Variants in OR2AK2 observed in about 807,000 individuals in gnomAD.
OR2AK2 encodes the protein olfactory receptor 2AK2.
For missense variants in OR2AK2, 392 were observed against 384.1 expected (o/e 1.02, Z -0.17); for synonymous variants, 139 against 147.2 (o/e 0.94, Z 0.40).
At chr1:247,965,832 T>G (rs746161185) in exon 1 of OR2AK2, 2 of 1,613,186 alleles carry the variant, frequency 1.2e-6, no homozygotes, top group East Asian at 4.5e-5. Context: ...GGGCCAGTGG[T>G]TCTATCAATG....
In OR2AK2 at chr1:247,966,059, T is replaced by C. The variant is rs776524052; in HGVS notation, c.683T>C (p.Met228Thr). 7.4e-6 allele frequency: 12 copies of C among 1,614,066 alleles called. No homozygotes were observed. The South Asian group carries it at 1.1e-4, about 15-fold the overall frequency. The change falls in exon 1 of 1, where the codon ATG becomes ACG. Residue 228 changes from methionine (M) to threonine (T), a missense_variant. Coordinates refer to ENST00000366480, the Ensembl canonical transcript of OR2AK2. The stretch of plus-strand genomic sequence containing the variant: ...CGTGTGCTTATTGTGGTATTCCAGA[T>C]GAGCTCAGGAAAAGGACAGGCAAAA...
At chr1:247,966,010 C>G in exon 1 of OR2AK2, 2 of 1,613,370 alleles carry the variant, frequency 1.2e-6, no homozygotes, top group Non-Finnish European at 1.7e-6. Flanking sequence ...ACTACCATTC[C>G]TAGCCATTCT....
chr1:247,965,722 G>C, exon 1 of OR2AK2: 1 of 1,555,882 alleles, frequency 6.4e-7, no homozygotes, highest in African/African-American at 1.4e-5. Flanking sequence ...CCTTCTCCTT[G>C]GTTTTATGTC....
exon 1 of OR2AK2, chr1:247,965,905 T>C (rs1168881385): frequency 1.2e-6 from 2 of 1,612,060 alleles, no homozygotes; most frequent in African/African-American, 1.3e-5. Context: ...CATTAACCAC[T>C]TTTTCTGTGA....
At position 247,965,859 on chromosome 1, in the gene OR2AK2, G is replaced by T. The variant is rs138864067; in HGVS notation, c.483G>T (p.Leu161Phe). Residue 161 changes from leucine to phenylalanine, a missense_variant, in exon 1 of 1, where the codon TTG (leucine) becomes TTT (phenylalanine). Leu to Phe is a conservative substitution (Grantham distance 22). Coordinates refer to ENST00000366480, the Ensembl canonical transcript of OR2AK2. ...CTATCAATGCTTTCATACATACATT[G>T]TATGTGTTTCAGCTTCCATTCTGTA... 3.1e-6 allele frequency: 5 copies of T among 1,613,664 alleles called. No homozygotes were observed. In the African/African-American group the frequency reaches 4.0e-5, roughly 13 times the overall value.
exon 1 of OR2AK2, chr1:247,966,273 G>T (rs770380554): frequency 1.4e-5 from 23 of 1,613,564 alleles, no homozygotes; most frequent in Non-Finnish European, 1.9e-5. Flanking sequence ...AAGTGACGGG[G>T]GCAGTGAGGA....
At chr1:247,965,653 A>G in exon 1 of OR2AK2, 1 of 1,546,466 alleles carries the variant, frequency 6.5e-7, no homozygotes, top group Non-Finnish European at 8.7e-7. Flanking sequence ...TAAGACCATT[A>G]GATTTTTGGG....
chr1:247,965,413 C>T, exon 1 of OR2AK2: 1 of 1,612,462 alleles, frequency 6.2e-7, no homozygotes, highest in African/African-American at 1.3e-5. Context: ...GACAGATTTT[C>T]TACTTGTTGG....
exon 1 of OR2AK2, chr1:247,966,241 A>T (rs1660972426): frequency 6.2e-7 from 1 of 1,613,224 alleles, no homozygotes; most frequent in Non-Finnish European, 8.5e-7. Flanking sequence ...GAACCCATTT[A>T]TCTACAGCCT....
At position 247,965,263 on chromosome 1, in the gene OR2AK2, T is replaced by C; in HGVS notation, c.-114T>C. 3 of 1,284,768 alleles carry C rather than the reference T, an allele frequency of 2.3e-6. No homozygotes were observed. Among genetic ancestry groups the C allele is most frequent in the African/African-American group, 3.0e-5 (2 of 66,160 alleles). The allele number at this position is 1,284,768 out of a possible 1,614,324, so 79.6% of individuals were successfully genotyped here. A position where few individuals can be genotyped will look rare whatever the true frequency, so the allele number is the denominator to read the frequency against. On this transcript the variant is annotated 5_prime_UTR_variant, in exon 1 of 1. The change abolishes an upstream ATG in the 5' untranslated region. Transcript: ENST00000366480. ...TAAACATGTAGATAGTTGCCAAACA[T>C]GTAAGTGAATATTTATTTCTGAATG...
exon 1 of OR2AK2, chr1:247,965,960 A>G (rs1660961154): frequency 6.2e-7 from 1 of 1,608,764 alleles, no homozygotes; most frequent in African/African-American, 1.3e-5. Flanking sequence ...ACCTCCCAGT[A>G]TGAGTATACA....
At chr1:247,965,444 T>C in exon 1 of OR2AK2, 1 of 1,613,804 alleles carries the variant, frequency 6.2e-7, no homozygotes, top group South Asian at 1.1e-5. Flanking sequence ...TATGGCTGGA[T>C]AAACTCTCTT....
chr1:247,966,308 G>A (rs142381811), exon 1 of OR2AK2: 4 of 1,613,144 alleles, frequency 2.5e-6, no homozygotes, highest in East Asian at 2.2e-5. Context: ...TGGATATGCT[G>A]TAGAAAATAT....
exon 1 of OR2AK2, chr1:247,965,928 A>G (rs759446278): frequency 6.2e-7 from 1 of 1,611,230 alleles, no homozygotes; most frequent in East Asian, 2.2e-5. Flanking sequence ...TTCCAGCTCT[A>G]CTATCATTGG....
At chr1:247,965,940 G>A in exon 1 of OR2AK2, 2 of 1,609,290 alleles carry the variant, frequency 1.2e-6, no homozygotes, top group South Asian at 2.2e-5. Context: ...TATCATTGGT[G>A]TGTCAGGACA....
At chr1:247,965,836 A>G (rs530986766) in exon 1 of OR2AK2, 4 of 1,613,386 alleles carry the variant, frequency 2.5e-6, no homozygotes, top group East Asian at 2.2e-5. Flanking sequence ...CAGTGGTTCT[A>G]TCAATGCTTT....
rs780354251 is a variant in OR2AK2, at chr1:247,966,331, CTG to C, written c.957_958del (p.Tyr320LeufsTer5). On this transcript the variant is annotated frameshift_variant, in exon 1 of 1. Coordinates refer to ENST00000366480, the Ensembl canonical transcript of OR2AK2. LOFTEE classifies it high-confidence loss of function. ...CTGTAGAAAATATGACTTCAGATCT[CTG>C]TATTGATTGAGCATTAACAACATAA... 2.5e-6 allele frequency: 4 copies of C among 1,609,616 alleles called. No individual in the cohort carries two copies. The South Asian group carries it at 4.4e-5, about 18-fold the overall frequency.
In OR2AK2 at chr1:247,965,768, A is replaced by G. The variant is rs1558162365; in HGVS notation, c.392A>G (p.His131Arg). 1.3e-6 allele frequency: 2 copies of G among 1,586,066 alleles called. No individual in the cohort carries two copies. The change falls in exon 1 of 1, where the codon CAT (histidine) becomes CGT (arginine). Residue 131 changes from histidine to arginine, a missense_variant. His to Arg is a conservative substitution (Grantham distance 29). Transcript: ENST00000366480. ...TATGTAGCTATCTGTCACCCTTTAC[A>G]TTATCCTATGCTTATGAGCAAGAAG... is the stretch of plus-strand genomic sequence containing the variant.
exon 1 of OR2AK2, chr1:247,965,464 G>T (rs113103144): frequency 1.9e-6 from 3 of 1,613,456 alleles, no homozygotes. Flanking sequence ...TCTCTTTGTC[G>T]TCATTGCCAC....
Sources: gnomAD v4.1 joint callset for allele counts on GRCh38, gnomAD v4.1.1 for gene constraint, MANE v1.5 for transcripts, NCBI Gene and HGNC (gene_info 2026-07-23, HGNC 2026-07-21) for gene names.